TPD52: variants seen among roughly 807,000 people sequenced by gnomAD.
TPD52 encodes the protein tumor protein D52.
Under a neutral mutation model 31.3 loss-of-function variants are expected in TPD52, and 17 were observed. That is an observed-to-expected ratio of 0.54 (90% CI 0.37 to 0.82). The LOEUF (loss-of-function observed/expected upper bound fraction) is 0.82. Ranked by LOEUF, TPD52 falls within the 40% of genes least tolerant of loss-of-function variation. The pLI is 0.00. For missense variants in TPD52, 212 were observed against 240.1 expected, an observed-to-expected ratio of 0.88 and a Z score of 0.77; for synonymous variants, 83 against 89.6, an observed-to-expected ratio of 0.93 and a Z score of 0.42.
chr8:80,049,242 G>T (rs747458674), intron 5 of TPD52, among the ~76,000 whole-genome samples: 2 of 152,114 alleles, frequency 1.3e-5, no homozygotes, highest in Non-Finnish European at 2.9e-5. Flanking sequence ...AAGATTTTAA[G>T]CTTCATTCTA....
intron 1 of TPD52, among the ~76,000 whole-genome samples, chr8:80,079,279 C>G (rs753460134): frequency 1.3e-5 from 2 of 152,178 alleles, no homozygotes; most frequent in African/African-American, 4.8e-5. Context: ...CAGCAGACAT[C>G]AAGCTGCTGC....
At chr8:80,102,039 G>A (rs1806781688) in intron 1 of TPD52, among the ~76,000 whole-genome samples, 2 of 152,202 alleles carry the variant, frequency 1.3e-5, no homozygotes, top group Non-Finnish European at 2.9e-5. Flanking sequence ...GGGAATGAAG[G>A]AGTACAACTC....
chr8:80,074,525 C>T lies in TPD52; in HGVS notation c.20-9932G>A, dbSNP rs138770944. ...CAGGCACGGCACCACGGGCGTCATG[C>T]GGTGGATGACTGTGGCAGGGACTGC... On this transcript the variant is annotated intron_variant, in intron 1 of 7. Coordinates refer to ENST00000518937, the MANE Select transcript of TPD52 (RefSeq NM_001025253.3). 5.3e-5 allele frequency among the ~76,000 whole-genome samples: 8 copies of T among 152,340 alleles called. No homozygotes were observed. The East Asian group carries it at 7.7e-4, about 15-fold the overall frequency.
chr8:80,075,218 C>T (rs1011846554), intron 1 of TPD52, among the ~76,000 whole-genome samples: 6 of 152,104 alleles, frequency 3.9e-5, no homozygotes, highest in African/African-American at 7.2e-5. Context: ...ACCTCATGAT[C>T]CGCCTGCCTC....
chr8:80,136,645 C>T (rs1809457137), intron 1 of TPD52, among the ~76,000 whole-genome samples: 1 of 151,492 alleles, frequency 6.6e-6, no homozygotes, highest in Admixed American at 6.6e-5. Flanking sequence ...GGTCAAAATC[C>T]ACAACCCAGT....
intron 2 of TPD52, among the ~76,000 whole-genome samples, chr8:80,060,532 A>T (rs1812401582): frequency 6.6e-6 from 1 of 152,050 alleles, no homozygotes; most frequent in Admixed American, 6.5e-5. Flanking sequence ...TACCCTATTT[A>T]CCAAAGCCAG....
intron 1 of TPD52, among the ~76,000 whole-genome samples, chr8:80,065,777 T>C (rs1168533618): frequency 1.3e-5 from 2 of 152,178 alleles, no homozygotes; most frequent in Non-Finnish European, 2.9e-5. Flanking sequence ...TGATATTTTA[T>C]TCATGATTTT....
chr8:80,086,732 G>T (rs1010541722), intron 1 of TPD52, among the ~76,000 whole-genome samples: 3 of 151,748 alleles, frequency 2.0e-5, no homozygotes, highest in African/African-American at 7.3e-5. Context: ...AAATTAGCTG[G>T]TTGGGGGGGC....
At chr8:80,154,283 C>G (rs576676994) in intron 1 of TPD52, among the ~76,000 whole-genome samples, 2 of 152,340 alleles carry the variant, frequency 1.3e-5, no homozygotes, top group East Asian at 3.9e-4. Flanking sequence ...CAGGAGGGCT[C>G]CCAGGACTCC....
At chr8:80,053,940 C>G (rs1811614684) in intron 2 of TPD52, among the ~76,000 whole-genome samples, 1 of 152,298 alleles carries the variant, frequency 6.6e-6, no homozygotes, top group East Asian at 1.9e-4. Flanking sequence ...AGTATATATA[C>G]TGGATACATA....
intron 1 of TPD52, among the ~76,000 whole-genome samples, chr8:80,066,098 C>T (rs910357335): frequency 6.6e-6 from 1 of 152,092 alleles, no homozygotes; most frequent in Non-Finnish European, 1.5e-5. Flanking sequence ...GCATCCTGCC[C>T]AATGCAAGGC....
At chr8:80,064,057 A>G in intron 2 of TPD52, among the ~76,000 whole-genome samples, 1 of 135,642 alleles carries the variant, frequency 7.4e-6, no homozygotes, top group African/African-American at 2.8e-5. Flanking sequence ...TAGGGAAGGG[A>G]AGGGAGGGGA....
intron 7 of TPD52, among the ~76,000 whole-genome samples, chr8:80,038,635 A>G (rs1429288937): frequency 6.6e-6 from 1 of 152,232 alleles, no homozygotes; most frequent in Non-Finnish European, 1.5e-5. Context: ...ATTGAATACA[A>G]CATGGGAAAG....
rs1278387261 is a variant in TPD52, at chr8:80,064,476, A to C, written c.135+2T>G. ...AAAGTTGCAAAAGGAATGGTTCTTT[A>C]CCTTTGCAAGTTCTCTTCTTAGCTC... On this transcript the variant is annotated splice_donor_variant, in intron 2 of 7. Coordinates refer to ENST00000518937, the MANE Select transcript of TPD52 (RefSeq NM_001025253.3). LOFTEE classifies it high-confidence loss of function. 3 of 1,610,716 alleles carry C rather than the reference A, an allele frequency of 1.9e-6. No individual in the cohort carries two copies. Among genetic ancestry groups the C allele is most frequent in the Non-Finnish European group, 2.5e-6 (3 of 1,177,086 alleles).
At chr8:80,143,623 C>T (rs1396583229) in intron 1 of TPD52, among the ~76,000 whole-genome samples, 1 of 152,162 alleles carries the variant, frequency 6.6e-6, no homozygotes, top group Non-Finnish European at 1.5e-5. Flanking sequence ...TCATTTCTCT[C>T]TTTTTTTAAG....
chr8:80,109,246 G>T (rs1020886270), intron 1 of TPD52, among the ~76,000 whole-genome samples: 3 of 152,060 alleles, frequency 2.0e-5, no homozygotes, highest in Non-Finnish European at 4.4e-5. Flanking sequence ...GATTTAAGAG[G>T]TTTTTTTAAA....
chr8:80,089,939 A>G (rs73691169), intron 1 of TPD52, among the ~76,000 whole-genome samples: 6,289 of 152,270 alleles, frequency 0.041, 434 homozygotes, highest in African/African-American at 0.14. Context: ...GAAACTGGAT[A>G]AGATCAAATG....
intron 1 of TPD52, among the ~76,000 whole-genome samples, chr8:80,160,719 A>C (rs1272260524): frequency 2.0e-5 from 3 of 151,984 alleles, no homozygotes; most frequent in Non-Finnish European, 4.4e-5. Flanking sequence ...AAGGCCATCC[A>C]TGTCTCCTAG....
At chr8:80,065,477 GC>G (rs1160509771) in intron 1 of TPD52, among the ~76,000 whole-genome samples, 3 of 151,958 alleles carry the variant, frequency 2.0e-5, no homozygotes, top group Admixed American at 2.0e-4. Context: ...TGACCAGGAG[GC>G]AGCTGCCCCT....
Sources: gnomAD v4.1 joint callset for allele counts (sites outside exome capture counted in the v4.1 genomes callset) on GRCh38, gnomAD v4.1.1 for gene constraint, MANE v1.5 for transcripts, NCBI Gene and HGNC (gene_info 2026-07-23, HGNC 2026-07-21) for gene names.